ARB2A: variants seen among roughly 807,000 people sequenced by gnomAD.
ARB2A encodes the protein cotranscriptional regulator ARB2A.
At chr5:93,620,901 G>A in the ARB2A span, 2 of 1,529,564 alleles carry the variant, frequency 1.3e-6, no homozygotes, top group African/African-American at 1.5e-5. Flanking sequence ...AATCTAATGA[G>A]GGGCTGGGAG....
chr5:94,109,878 CTTTTTTT>C, the ARB2A span, among the ~76,000 whole-genome samples: 1 of 96,230 alleles, frequency 1.0e-5, no homozygotes, highest in African/African-American at 4.2e-5. Flanking sequence ...CTCTATACCT[CTTTTTTT>C]TTTTTTTTTT....
the ARB2A span, chr5:93,741,513 A>G: frequency 6.2e-7 from 1 of 1,609,482 alleles, no homozygotes; most frequent in South Asian, 1.1e-5. Flanking sequence ...GGCCGCCCCC[A>G]CCACTGCCTG....
At chr5:93,652,697 G>A in the ARB2A span, among the ~76,000 whole-genome samples, 2 of 152,188 alleles carry the variant, frequency 1.3e-5, no homozygotes, top group Non-Finnish European at 2.9e-5. Flanking sequence ...ATCAACAGCT[G>A]CTGATTTAAA....
the ARB2A span, among the ~76,000 whole-genome samples, chr5:93,868,407 C>T: frequency 1.3e-5 from 2 of 152,140 alleles, no homozygotes; most frequent in Non-Finnish European, 2.9e-5. Flanking sequence ...CTATGTCACA[C>T]ATAAAGGATG....
chr5:93,745,706 G>A, the ARB2A span, among the ~76,000 whole-genome samples: 1 of 151,852 alleles, frequency 6.6e-6, no homozygotes, highest in Non-Finnish European at 1.5e-5. Context: ...CTGCAATAAA[G>A]CAACAGAGCT....
chr5:93,621,985 TTCTC>T, the ARB2A span, among the ~76,000 whole-genome samples: 6 of 152,310 alleles, frequency 3.9e-5, no homozygotes, highest in South Asian at 2.1e-4. Context: ...TTACTACGGC[TTCTC>T]TCTGTGGTTT....
At chr5:93,963,560 G>C in the ARB2A span, among the ~76,000 whole-genome samples, 3 of 151,922 alleles carry the variant, frequency 2.0e-5, no homozygotes, top group Non-Finnish European at 4.4e-5. Context: ...GTTCTGGAGA[G>C]GGGACAATAT....
At chr5:93,911,050 T>C in the ARB2A span, 5 of 151,598 alleles carry the variant, frequency 3.3e-5, no homozygotes, top group Non-Finnish European at 7.4e-5. Context: ...AATCCTCTCA[T>C]TGTTGTTTAA....
the ARB2A span, among the ~76,000 whole-genome samples, chr5:93,628,842 C>T: frequency 6.6e-6 from 1 of 152,188 alleles, no homozygotes; most frequent in African/African-American, 2.4e-5. Flanking sequence ...GATCTTCTAT[C>T]CAGACTACTC....
chr5:93,645,568 G>A, the ARB2A span, among the ~76,000 whole-genome samples: 26 of 137,824 alleles, frequency 1.9e-4, no homozygotes, highest in African/African-American at 6.8e-4. Flanking sequence ...GTGAGACTCC[G>A]TCTCAAAGAA....
the ARB2A span, among the ~76,000 whole-genome samples, chr5:93,986,037 C>CA: frequency 6.7e-6 from 1 of 150,270 alleles, no homozygotes. Context: ...GCCTGGCCAC[C>CA]CGTCTGGGAT....
the ARB2A span, among the ~76,000 whole-genome samples, chr5:93,921,870 T>TA: frequency 2.6e-5 from 4 of 152,174 alleles, no homozygotes; most frequent in Non-Finnish European, 5.9e-5. Flanking sequence ...AGTACCTTGC[T>TA]AGTAAGGGAC....
chr5:93,943,519 T>C, the ARB2A span, among the ~76,000 whole-genome samples: 5 of 152,158 alleles, frequency 3.3e-5, no homozygotes, highest in African/African-American at 9.6e-5. Flanking sequence ...AGCAGCTAGA[T>C]GGCATTACTC....
chr5:93,964,289 T>A, the ARB2A span, among the ~76,000 whole-genome samples: 1 of 151,988 alleles, frequency 6.6e-6, no homozygotes, highest in Non-Finnish European at 1.5e-5. Flanking sequence ...CAGAATGAGA[T>A]GAGGTATACT....
chr5:94,106,741 A>G, the ARB2A span, among the ~76,000 whole-genome samples: 1 of 152,002 alleles, frequency 6.6e-6, no homozygotes, highest in African/African-American at 2.4e-5. Context: ...ACCCATCAAC[A>G]GTGGACTGAA....
the ARB2A span, among the ~76,000 whole-genome samples, chr5:93,966,158 A>G: frequency 6.6e-6 from 1 of 152,106 alleles, no homozygotes; most frequent in Non-Finnish European, 1.5e-5. Flanking sequence ...CTGCTTTAAG[A>G]GAAATAGATT....
At chr5:93,881,817 G>A in the ARB2A span, 1 of 445,230 alleles carries the variant, frequency 2.2e-6, no homozygotes, top group Non-Finnish European at 3.8e-6. Context: ...ACTCCTTTAG[G>A]CAAGATAATG....
At chr5:93,774,645 A>T in the ARB2A span, among the ~76,000 whole-genome samples, 1 of 152,164 alleles carries the variant, frequency 6.6e-6, no homozygotes, top group Non-Finnish European at 1.5e-5. Context: ...ACTGTTTACA[A>T]TAGCCCCCAA....
At chr5:93,794,496 C>G in the ARB2A span, among the ~76,000 whole-genome samples, 1 of 151,920 alleles carries the variant, frequency 6.6e-6, no homozygotes, top group African/African-American at 2.4e-5. Context: ...GTTAAAGAAC[C>G]GTGTTTTGTC....
Sources: gnomAD v4.1 joint callset for allele counts (sites outside exome capture counted in the v4.1 genomes callset) on GRCh38, gnomAD v4.1.1 for gene constraint, MANE v1.5 for transcripts, NCBI Gene and HGNC (gene_info 2026-07-23, HGNC 2026-07-21) for gene names.